Variants in DGKG observed in about 807,000 individuals in gnomAD.
DGKG encodes the protein diacylglycerol kinase gamma.
A neutral mutation model predicts 105.3 loss-of-function variants in DGKG; 78 were observed. That is an observed-to-expected ratio of 0.74 (90% confidence interval 0.62 to 0.89). The LOEUF is 0.89. Ranked by LOEUF, DGKG falls within the 40% of genes least tolerant of loss-of-function variation. DGKG has a pLI of 0.00. For synonymous variants in DGKG, 346 were observed against 367.1 expected (o/e 0.94, Z 0.66); for missense variants, 958 against 1,020.1 (o/e 0.94, Z 0.83).
rs563963203 is a variant in DGKG at position 186,199,282 on chromosome 3, A to G, written c.1918-10903T>C. 2.0e-5 allele frequency among the ~76,000 whole-genome samples: 3 copies of G among 152,058 alleles called. No individual in the cohort carries two copies. The South Asian group carries it at 6.2e-4, about 32-fold the overall frequency. On this transcript the variant is annotated intron_variant, in intron 21 of 24. Coordinates refer to ENST00000265022, the MANE Select transcript of DGKG (RefSeq NM_001346.3). ...AGTCCAGTATTATCCACATACACAAACTGGCCTGGCCTGTAGCAACTCTTA... is the reference window on the plus strand; with the variant it reads ...AGTCCAGTATTATCCACATACACAAGCTGGCCTGGCCTGTAGCAACTCTTA...
intron 22 of DGKG, among the ~76,000 whole-genome samples, chr3:186,176,923 G>C (rs752460949): frequency 4.6e-5 from 7 of 152,224 alleles, no homozygotes; most frequent in Admixed American, 2.6e-4. Context: ...AGGTTTGGGC[G>C]TGGAGGCAGG....
rs1283107050 is a variant in DGKG at position 186,239,653 on chromosome 3, T to A, written c.1826+2851A>T. Among the ~76,000 whole-genome samples the A allele has an allele frequency of 2.6e-5, 4 of 152,212 alleles. 1 individual carries two copies. The highest frequency in any genetic ancestry group is 5.9e-5 in the Non-Finnish European group (4 of 68,046). ...TCATAGGAAGCGTTCGGTGACCTTG[T>A]GAAATAGGTGCTACCTCAGCCCTTC... is the stretch of plus-strand genomic sequence containing the variant. On this transcript the variant is annotated intron_variant, in intron 20 of 24. Coordinates refer to ENST00000265022, the MANE Select transcript of DGKG (RefSeq NM_001346.3).
At chr3:186,321,243 A>C (rs1725061947) in intron 1 of DGKG, among the ~76,000 whole-genome samples, 1 of 152,220 alleles carries the variant, frequency 6.6e-6, no homozygotes, top group Non-Finnish European at 1.5e-5. Flanking sequence ...GGATGGATTC[A>C]AACAAACACT....
At chr3:186,341,481 C>A (rs1578857618) in intron 1 of DGKG, among the ~76,000 whole-genome samples, 1 of 152,188 alleles carries the variant, frequency 6.6e-6, no homozygotes, top group South Asian at 2.1e-4. Context: ...ACCACCAACT[C>A]AGAAATAAAA....
At chr3:186,249,648 C>G (rs977390864) in intron 19 of DGKG, among the ~76,000 whole-genome samples, 1 of 152,178 alleles carries the variant, frequency 6.6e-6, no homozygotes, top group Non-Finnish European at 1.5e-5. Context: ...TTGAGACCAG[C>G]CTGGCCAATG....
intron 21 of DGKG, among the ~76,000 whole-genome samples, chr3:186,188,812 CAT>C (rs972425749): frequency 1.3e-5 from 2 of 151,494 alleles, no homozygotes; most frequent in African/African-American, 2.4e-5. Context: ...AGAAAATTTT[CAT>C]ATATATATAT....
chr3:186,281,246 A>G (rs1387753578), intron 7 of DGKG: 1 of 154,936 alleles, frequency 6.5e-6, no homozygotes, highest in African/African-American at 2.4e-5. Flanking sequence ...TCCTTTTGTT[A>G]TCTCCTCTGT....
intron 1 of DGKG, among the ~76,000 whole-genome samples, chr3:186,345,999 C>T (rs1726314581): frequency 1.3e-5 from 2 of 152,132 alleles, no homozygotes; most frequent in African/African-American, 4.8e-5. Context: ...GAACTCCTGA[C>T]CTCATGATCC....
intron 3 of DGKG, among the ~76,000 whole-genome samples, chr3:186,305,326 T>TGAG (rs1269328934): frequency 6.6e-6 from 1 of 152,146 alleles, no homozygotes; most frequent in Non-Finnish European, 1.5e-5. Context: ...TGTGATGTGC[T>TGAG]GAGGAGGAAC....
intron 19 of DGKG, among the ~76,000 whole-genome samples, chr3:186,243,667 C>A (rs768324246): frequency 3.9e-5 from 6 of 152,138 alleles, no homozygotes; most frequent in Non-Finnish European, 7.3e-5. Flanking sequence ...AGGCCCCATA[C>A]TGGTACTTTG....
At position 186,288,728 on chromosome 3, in the gene DGKG, G is replaced by A. The variant is rs765145736; in HGVS notation, c.526C>T (p.Pro176Ser). 1.2e-6 allele frequency: 2 copies of A among 1,614,068 alleles called. No homozygotes were observed. The highest frequency in any genetic ancestry group is 8.5e-7 in the Non-Finnish European group (1 of 1,179,996). Residue 176 changes from proline (P) to serine (S), a missense_variant, in exon 6 of 25, where the codon CCT (proline) becomes TCT (serine). Coordinates refer to ENST00000265022, the MANE Select transcript of DGKG (RefSeq NM_001346.3). Reference sequence around the variant, plus strand: ...CACTTACACTCCAGCTTATCCTGAGGCCTCCCCGTCTCCAGCAGGGACAGG... The same window carrying A: ...CACTTACACTCCAGCTTATCCTGAGACCTCCCCGTCTCCAGCAGGGACAGG... ...CYLSLLETGRPQDKLEFMFRL... is the reference protein window; with the variant it reads ...CYLSLLETGRSQDKLEFMFRL...
intron 20 of DGKG, among the ~76,000 whole-genome samples, chr3:186,227,535 C>T (rs76147972): frequency 0.05 from 7,600 of 152,148 alleles, 254 homozygotes; most frequent in Non-Finnish European, 0.081. Context: ...AGTTGTAAAG[C>T]CATTTGTTCA....
rs200228792 is a variant in DGKG, at chr3:186,273,964, TCTC to T, written c.910+1580_910+1582del. 8.4e-3 allele frequency among the ~76,000 whole-genome samples: 1,281 copies of T among 152,254 alleles called. 26 individuals carry two copies. The highest frequency in any genetic ancestry group is 0.028 in the African/African-American group (1,184 of 41,548). On this transcript the variant is annotated intron_variant, in intron 10 of 24. Transcript: ENST00000265022. ...CCTTCTTGCTGCAGCCCCTCTGCCT[TCTC>T]CTCCTGCTCCCTGTGTCCCCTTCTT...
intron 3 of DGKG, 112 bp downstream of exon 3, chr3:186,306,789 A>G (rs1320229965): frequency 2.8e-6 from 2 of 710,292 alleles, no homozygotes; most frequent in Non-Finnish European, 4.9e-6. Context: ...AAGAGGAAAC[A>G]TGCTGAGGAG....
At position 186,284,476 on chromosome 3, in the gene DGKG, T is replaced by C. The variant is rs544530647; in HGVS notation, c.594+184A>G. 1.3e-5 allele frequency among the ~76,000 whole-genome samples: 2 copies of C among 152,318 alleles called. No homozygotes were observed. The highest frequency in any genetic ancestry group is 2.4e-5 in the African/African-American group (1 of 41,568). The stretch of plus-strand genomic sequence containing the variant: ...CGAAAAGGTAAGTTGGCATTCACGC[T>C]CTGCAAGGCCGGCCCTTTGGAAATA... On this transcript the variant is annotated intron_variant, in intron 7 of 24. Coordinates refer to ENST00000265022, the MANE Select transcript of DGKG (RefSeq NM_001346.3). This position sits in a 1 kb window ranked among gnomAD's most constrained non-coding sequence, Gnocchi z 4.0.
chr3:186,329,553 C>A (rs909130030), intron 1 of DGKG, among the ~76,000 whole-genome samples: 16 of 152,134 alleles, frequency 1.1e-4, no homozygotes, highest in African/African-American at 3.9e-4. Context: ...ATTGGAGAAG[C>A]CTATTTATGT....
In DGKG at chr3:186,298,158, G is replaced by T. The variant is rs758064850; in HGVS notation, c.216C>A (p.Ser72Arg). ...GGCTGAAGGCCAGGAAGAGGTGAGT[G>T]CTCAGTGGCTGGGGAAGGTCCACCT... ...YLEVDLPQPLSTHLFLAFSQK... is the reference protein window; with the variant it reads ...YLEVDLPQPLRTHLFLAFSQK... The change falls in exon 4 of 25, where the codon AGC (serine) becomes AGA (arginine). Residue 72 changes from serine (S) to arginine (R), a missense_variant. This residue lies in a region of DGKG where 643 missense variants were observed against 619.5 expected (regional missense o/e 1.04). Transcript: ENST00000265022. 1.2e-6 allele frequency: 2 copies of T among 1,614,136 alleles called. No individual in the cohort carries two copies. The highest frequency in any genetic ancestry group is 1.7e-6 in the Non-Finnish European group (2 of 1,180,008).
chr3:186,295,632 G>A (rs1336860211), intron 5 of DGKG, among the ~76,000 whole-genome samples: 2 of 88,894 alleles, frequency 2.2e-5, no homozygotes, highest in Non-Finnish European at 4.3e-5. Context: ...AAATGATAAT[G>A]CACAGTAAAA....
chr3:186,350,353 T>C (rs1726568733), intron 1 of DGKG, among the ~76,000 whole-genome samples: 1 of 152,270 alleles, frequency 6.6e-6, no homozygotes, highest in Non-Finnish European at 1.5e-5. Context: ...ATTTTTTCTT[T>C]TGTGACTGGA....
Sources: gnomAD v4.1 joint callset for allele counts (sites outside exome capture counted in the v4.1 genomes callset) on GRCh38, gnomAD v4.1.1 for gene constraint, gnomAD v4.1.1 regional missense constraint, Gnocchi (gnomAD v3.1) non-coding constraint, MANE v1.5 for transcripts, NCBI Gene and HGNC (gene_info 2026-07-23, HGNC 2026-07-21) for gene names.